The following SPAG17 variants were observed in gnomAD, a reference collection of about 807,000 sequenced individuals.
The protein encoded by SPAG17 is sperm associated antigen 17.
SPAG17 carries 169 observed loss-of-function variants against 273.6 expected under a neutral mutation model. The ratio of observed to expected loss-of-function variants is 0.62; its 90% confidence interval spans 0.55 to 0.70. The LOEUF is 0.70. SPAG17 is among the 30% of genes least tolerant of loss of function. The probability of loss-of-function intolerance (pLI) is 0.00; values close to 1 mark genes in which losing one functional copy is unlikely to be tolerated. For missense variants in SPAG17, 2,557 were observed against 2,627.8 expected, an observed-to-expected ratio of 0.97 and a Z score of 0.59; for synonymous variants, 825 against 873.2, an observed-to-expected ratio of 0.94 and a Z score of 0.97.
At chr1:117,987,665 A>G (rs1656574943) in intron 40 of SPAG17, among the ~76,000 whole-genome samples, 169 bp downstream of exon 40, 1 of 152,198 alleles carries the variant, frequency 6.6e-6, no homozygotes, top group African/African-American at 2.4e-5. Context: ...GGGTTTCCTC[A>G]AGAGACAGTG....
chr1:118,045,194 T>C (rs1289075182), intron 20 of SPAG17, among the ~76,000 whole-genome samples: 1 of 152,200 alleles, frequency 6.6e-6, no homozygotes, highest in African/African-American at 2.4e-5. Flanking sequence ...TCATAAGTGA[T>C]AGGAGCATCT....
intron 12 of SPAG17, 98 bp from the exon 13 acceptor site, chr1:118,086,170 A>T: frequency 8.8e-7 from 1 of 1,141,564 alleles, no homozygotes; most frequent in African/African-American, 1.6e-5. Context: ...CACCCTCATT[A>T]TTTGGGAACA....
intron 24 of SPAG17, among the ~76,000 whole-genome samples, chr1:118,035,912 G>C (rs960757084): frequency 6.6e-6 from 1 of 152,162 alleles, no homozygotes; most frequent in Non-Finnish European, 1.5e-5. Flanking sequence ...GGGGTAGAAG[G>C]CCAGGTGCAG....
intron 46 of SPAG17, among the ~76,000 whole-genome samples, chr1:117,968,295 G>C (rs982679043): frequency 2.0e-5 from 3 of 152,136 alleles, no homozygotes; most frequent in Non-Finnish European, 4.4e-5. Context: ...ACTACGTGCT[G>C]GGTTTTTAGT....
chr1:118,054,127 T>C (rs768221104), intron 19 of SPAG17, 34 bp from the exon 20 acceptor site: 9 of 1,418,208 alleles, frequency 6.3e-6, no homozygotes, highest in African/African-American at 1.4e-5. Flanking sequence ...TCTTAGTAAC[T>C]CTTAAATAAG....
At chr1:118,103,205 G>A (rs751331001) in intron 4 of SPAG17, among the ~76,000 whole-genome samples, 37 of 152,094 alleles carry the variant, frequency 2.4e-4, no homozygotes, top group African/African-American at 8.5e-4. Context: ...CAGGGAAACC[G>A]CTCCATGCCA....
chr1:118,151,121 A>G, intron 2 of SPAG17, 108 bp downstream of exon 2: 2 of 992,254 alleles, frequency 2.0e-6, no homozygotes, highest in Non-Finnish European at 2.7e-6. Context: ...ATAATCCATC[A>G]AAATTTACAA....
At chr1:118,090,240 A>G (rs147768772) in intron 10 of SPAG17, among the ~76,000 whole-genome samples, 188 of 152,324 alleles carry the variant, frequency 1.2e-3, no homozygotes, top group African/African-American at 4.3e-3. Flanking sequence ...ATGAATCACA[A>G]ACTCTTTCAG....
intron 3 of SPAG17, among the ~76,000 whole-genome samples, chr1:118,130,714 C>T (rs1405284755): frequency 6.6e-6 from 1 of 152,176 alleles, no homozygotes; most frequent in Admixed American, 6.5e-5. Flanking sequence ...CATTAATTCC[C>T]CCACCAGGAG....
At chr1:118,020,302 C>T (rs1660375478) in intron 28 of SPAG17, among the ~76,000 whole-genome samples, 1 of 152,060 alleles carries the variant, frequency 6.6e-6, no homozygotes, top group Non-Finnish European at 1.5e-5. Context: ...GCTTTGATGG[C>T]ACGTGCCTGT....
At chr1:117,979,121 A>G (rs1655470805) in intron 43 of SPAG17, among the ~76,000 whole-genome samples, 1 of 152,024 alleles carries the variant, frequency 6.6e-6, no homozygotes, top group Non-Finnish European at 1.5e-5. Context: ...CACCCGCCTC[A>G]GCCTTCCAAA....
intron 1 of SPAG17, among the ~76,000 whole-genome samples, chr1:118,182,295 A>C (rs1426885036): frequency 6.6e-6 from 1 of 152,092 alleles, no homozygotes; most frequent in African/African-American, 2.4e-5. Context: ...GAGGAGAGGG[A>C]AGGATGGGGA....
intron 48 of SPAG17, among the ~76,000 whole-genome samples, chr1:117,957,663 A>G (rs1652412724): frequency 6.6e-6 from 1 of 152,200 alleles, no homozygotes; most frequent in Non-Finnish European, 1.5e-5. Flanking sequence ...CAAATTTGTA[A>G]ACTTTATTAA....
intron 2 of SPAG17, among the ~76,000 whole-genome samples, chr1:118,150,947 T>C (rs932575039): frequency 2.0e-5 from 3 of 152,200 alleles, no homozygotes; most frequent in Admixed American, 6.5e-5. Flanking sequence ...TATAATTATT[T>C]AACTTGAATT....
intron 3 of SPAG17, among the ~76,000 whole-genome samples, chr1:118,128,881 C>T (rs1180090876): frequency 6.6e-6 from 1 of 152,224 alleles, no homozygotes; most frequent in Non-Finnish European, 1.5e-5. Flanking sequence ...GGAAACACAG[C>T]TCCATGGGTG....
At chr1:118,103,545 G>A (rs1558015535) in intron 4 of SPAG17, among the ~76,000 whole-genome samples, 1 of 152,132 alleles carries the variant, frequency 6.6e-6, no homozygotes, top group Non-Finnish European at 1.5e-5. Flanking sequence ...AAGAGTGAAA[G>A]GGTCCTAGCA....
At chr1:118,004,283 G>C (rs1188158239) in intron 32 of SPAG17, among the ~76,000 whole-genome samples, 3 of 152,230 alleles carry the variant, frequency 2.0e-5, no homozygotes, top group Admixed American at 6.5e-5. Flanking sequence ...GGACCCACTT[G>C]TGGAGGCAGT....
At chr1:118,073,787 T>C in intron 17 of SPAG17, 67 bp downstream of exon 17, 1 of 1,046,050 alleles carries the variant, frequency 9.6e-7, no homozygotes, top group Non-Finnish European at 1.4e-6. Flanking sequence ...AGGTGAACTG[T>C]TCTAAATCAC....
chr1:118,063,413 C>T (rs1244477814), intron 18 of SPAG17, among the ~76,000 whole-genome samples: 1 of 152,060 alleles, frequency 6.6e-6, no homozygotes, highest in African/African-American at 2.4e-5. Flanking sequence ...CAGAACAGAG[C>T]CCTCAGAAAT....
Sources: allele counts gnomAD v4.1 joint callset (sites outside exome capture counted in the v4.1 genomes callset), GRCh38; gene constraint gnomAD v4.1.1; transcripts MANE v1.5; gene names NCBI Gene and HGNC (gene_info 2026-07-23, HGNC 2026-07-21).